PLAG1: variants seen among roughly 807,000 people sequenced by gnomAD.
PLAG1 encodes zinc finger protein PLAG1.
A neutral mutation model predicts 35.5 loss-of-function variants in PLAG1; 7 were observed. The ratio of observed to expected loss-of-function variants is 0.20; its 90% confidence interval spans 0.11 to 0.37. PLAG1 has a LOEUF of 0.37. PLAG1 is among the 10% of genes least tolerant of loss of function. The probability of loss-of-function intolerance (pLI) is 1.00; values close to 1 mark genes in which losing one functional copy is unlikely to be tolerated. For missense variants in PLAG1, 454 were observed against 602.8 expected, an observed-to-expected ratio of 0.75 and a Z score of 2.58; for synonymous variants, 229 against 225.4, an observed-to-expected ratio of 1.02 and a Z score of -0.14.
intron 1 of PLAG1, among the ~76,000 whole-genome samples, chr8:56,179,715 T>C (rs1430875735): frequency 6.6e-6 from 1 of 152,172 alleles, no homozygotes; most frequent in East Asian, 1.9e-4. Flanking sequence ...TAGATTTATA[T>C]ATTTCCTCCC....
At chr8:56,189,407 C>T (rs531599771) in intron 1 of PLAG1, among the ~76,000 whole-genome samples, 1 of 152,114 alleles carries the variant, frequency 6.6e-6, no homozygotes, top group South Asian at 2.1e-4. Flanking sequence ...TCGTCTTCCC[C>T]AACAGACCAG....
intron 2 of PLAG1, among the ~76,000 whole-genome samples, chr8:56,175,210 A>G (rs1811649405): frequency 6.6e-6 from 1 of 152,236 alleles, no homozygotes; most frequent in Non-Finnish European, 1.5e-5. Context: ...TCAGAAAACA[A>G]GCATTCTCTA....
intron 1 of PLAG1, among the ~76,000 whole-genome samples, chr8:56,204,287 T>G (rs749822704): frequency 4.6e-5 from 7 of 151,880 alleles, no homozygotes; most frequent in Non-Finnish European, 1.0e-4. Context: ...TGACGTGAGC[T>G]CTATGTAACT....
At chr8:56,207,237 A>G (rs1309492896) in intron 1 of PLAG1, among the ~76,000 whole-genome samples, 3 of 152,018 alleles carry the variant, frequency 2.0e-5, no homozygotes, top group Non-Finnish European at 4.4e-5. Flanking sequence ...AGCTATAGAT[A>G]TATGTTTTAG....
intron 1 of PLAG1, among the ~76,000 whole-genome samples, chr8:56,196,624 G>A (rs1459084323): frequency 1.3e-5 from 2 of 152,020 alleles, no homozygotes; most frequent in East Asian, 1.9e-4. Context: ...CCCAAGTCTC[G>A]GGGATGGTGC....
At chr8:56,190,965 T>A (rs1563387270) in intron 1 of PLAG1, among the ~76,000 whole-genome samples, 2 of 151,946 alleles carry the variant, frequency 1.3e-5, no homozygotes, top group African/African-American at 4.8e-5. Flanking sequence ...AGGGCAGGCA[T>A]GGGAAATGTG....
At chr8:56,168,476 G>GA in intron 3 of PLAG1, 90 bp from the exon 4 acceptor site, 2 of 489,610 alleles carry the variant, frequency 4.1e-6, no homozygotes, top group East Asian at 7.5e-5. Context: ...AATTAAAAAA[G>GA]AAACCAATAA....
chr8:56,196,502 T>C (rs1441505996), intron 1 of PLAG1, among the ~76,000 whole-genome samples: 1 of 152,046 alleles, frequency 6.6e-6, no homozygotes, highest in African/African-American at 2.4e-5. Context: ...AGAGTTCAGG[T>C]ACTTTCAGGG....
chr8:56,181,468 C>A (rs182391790), intron 1 of PLAG1, among the ~76,000 whole-genome samples: 3 of 151,638 alleles, frequency 2.0e-5, no homozygotes, highest in Admixed American at 6.6e-5. Flanking sequence ...ACCACAAGAA[C>A]GGAAAACCAA....
intron 1 of PLAG1, among the ~76,000 whole-genome samples, chr8:56,191,183 G>T (rs1812171047): frequency 6.6e-6 from 1 of 152,170 alleles, no homozygotes; most frequent in African/African-American, 2.4e-5. Flanking sequence ...GGAAAAGGCA[G>T]GAGGAGAGGA....
intron 1 of PLAG1, among the ~76,000 whole-genome samples, chr8:56,191,526 G>C (rs1812183227): frequency 1.3e-5 from 2 of 152,110 alleles, no homozygotes; most frequent in South Asian, 4.1e-4. Context: ...AGAGCACTTC[G>C]ATGATGACTT....
intron 1 of PLAG1, among the ~76,000 whole-genome samples, chr8:56,194,904 A>G: frequency 6.6e-6 from 1 of 152,124 alleles, no homozygotes; most frequent in East Asian, 1.9e-4. Flanking sequence ...CCCATATTCA[A>G]TGGGACAGTG....
chr8:56,166,279 A>C lies in PLAG1; in HGVS notation c.1467T>G (p.Ser489Arg), dbSNP rs1204338896. ...CTTGATGGAAACGTGGGAGGGTGGT[A>C]CTTGTGCTTAAACTGCTGGTGAAAG... ...SAAFTSSLST[S>R]TTLPRFHQAF... Residue 489 changes from serine to arginine, a missense_variant, in exon 5 of 5, where the codon AGT becomes AGG. This residue lies in a region of PLAG1 where 271 missense variants were observed against 315.6 expected (regional missense o/e 0.86). Transcript: ENST00000316981. 1 of 1,607,008 alleles carries C rather than the reference A, an allele frequency of 6.2e-7. No individual in the cohort carries two copies.
At chr8:56,176,084 C>T (rs1325428587) in intron 2 of PLAG1, among the ~76,000 whole-genome samples, 2 of 138,236 alleles carry the variant, frequency 1.4e-5, no homozygotes, top group African/African-American at 2.8e-5. Flanking sequence ...TTCACTCTGT[C>T]ACCTAGGCTG....
At chr8:56,193,088 T>C (rs1039472737) in intron 1 of PLAG1, among the ~76,000 whole-genome samples, 5 of 152,190 alleles carry the variant, frequency 3.3e-5, no homozygotes, top group Non-Finnish European at 4.4e-5. Flanking sequence ...ACTCACTAGA[T>C]ATTAAGGAAT....
intron 3 of PLAG1, among the ~76,000 whole-genome samples, chr8:56,170,010 C>T (rs1393689005): frequency 6.6e-5 from 10 of 152,212 alleles, no homozygotes; most frequent in Admixed American, 5.9e-4. Context: ...GTTATACTTT[C>T]GCAGGAGCTC....
At chr8:56,190,815 T>C (rs1014003327) in intron 1 of PLAG1, among the ~76,000 whole-genome samples, 1 of 151,960 alleles carries the variant, frequency 6.6e-6, no homozygotes, top group Non-Finnish European at 1.5e-5. Flanking sequence ...CCAAAGACCA[T>C]CAAGGCACAG....
intron 2 of PLAG1, among the ~76,000 whole-genome samples, chr8:56,174,782 T>C (rs1049770317): frequency 2.0e-5 from 3 of 152,226 alleles, no homozygotes; most frequent in Admixed American, 6.5e-5. Context: ...TGCATTTGTA[T>C]TGAACATGCA....
At chr8:56,203,201 CTTTG>C (rs1812606217) in intron 1 of PLAG1, among the ~76,000 whole-genome samples, 1 of 152,030 alleles carries the variant, frequency 6.6e-6, no homozygotes, top group South Asian at 2.1e-4. Flanking sequence ...GTATTTTGTA[CTTTG>C]TTTACAAATT....
Sources: allele counts gnomAD v4.1 joint callset (sites outside exome capture counted in the v4.1 genomes callset), GRCh38; gene constraint gnomAD v4.1.1; regional missense constraint gnomAD v4.1.1; transcripts MANE v1.5; gene names NCBI Gene and HGNC (gene_info 2026-07-23, HGNC 2026-07-21).